Variants in TGM6 observed in about 807,000 individuals in gnomAD.
The protein encoded by TGM6 is protein-glutamine gamma-glutamyltransferase 6.
In TGM6, 74 loss-of-function variants were observed where a neutral mutation model predicts 77.5. That is an observed-to-expected ratio of 0.96 (90% CI 0.79 to 1.16). TGM6 has a LOEUF of 1.16. Ranked by LOEUF, TGM6 falls within the 50% of genes most tolerant of loss-of-function variation. TGM6 has a pLI of 0.00. For synonymous variants in TGM6, 383 were observed against 378.9 expected, an observed-to-expected ratio of 1.01 and a Z score of -0.12; for missense variants, 968 against 940.2, an observed-to-expected ratio of 1.03 and a Z score of -0.39.
intron 9 of TGM6, 27 bp downstream of exon 9, chr20:2,403,850 A>T (rs1250836616): frequency 5.0e-6 from 8 of 1,613,462 alleles, no homozygotes; most frequent in Non-Finnish European, 6.8e-6. Context: ...GGCCTTTATT[A>T]CCTTCCCCCG....
At position 2,394,635 on chromosome 20, in the gene TGM6, C is replaced by T. The variant is rs780460166; in HGVS notation, c.181+10C>T. 5.4e-5 allele frequency: 87 copies of T among 1,603,876 alleles called. No individual in the cohort carries two copies. Among genetic ancestry groups the T allele is most frequent in the African/African-American group, 1.1e-4 (8 of 74,638 alleles). ...TTCACGATGGAGACAGGTAACTGGG[C>T]TTGCCAGCACCCTCTTCTCGTCTGC... On this transcript the variant is annotated intron_variant, in intron 2 of 12. Transcript: ENST00000202625.
At chr20:2,425,252 C>A (rs1028640701) in intron 10 of TGM6, among the ~76,000 whole-genome samples, 4 of 151,766 alleles carry the variant, frequency 2.6e-5, no homozygotes, top group African/African-American at 9.7e-5. Flanking sequence ...GAGGCTGAGG[C>A]AGGAGGATTG....
chr20:2,427,654 C>A (rs2084896903), intron 10 of TGM6, among the ~76,000 whole-genome samples: 1 of 152,160 alleles, frequency 6.6e-6, no homozygotes, highest in African/African-American at 2.4e-5. Context: ...TTAGATCCTT[C>A]TTCTTTTCTA....
intron 1 of TGM6, among the ~76,000 whole-genome samples, chr20:2,390,118 T>C (rs2084620814): frequency 6.6e-6 from 1 of 152,186 alleles, no homozygotes; most frequent in African/African-American, 2.4e-5. Flanking sequence ...CTTCCCGAGA[T>C]GTTCCGTGAT....
chr20:2,404,973 G>C (rs2084739758), intron 9 of TGM6, among the ~76,000 whole-genome samples: 1 of 152,312 alleles, frequency 6.6e-6, no homozygotes, highest in Non-Finnish European at 1.5e-5. Flanking sequence ...CCAGGGAGCT[G>C]TTTCAGTTAT....
chr20:2,427,648 A>T (rs2084896792), intron 10 of TGM6, among the ~76,000 whole-genome samples: 1 of 152,040 alleles, frequency 6.6e-6, no homozygotes. Context: ...TTGGATTTAG[A>T]TCCTTCTTCT....
rs1464780010 is a variant in TGM6 at position 2,417,380 on chromosome 20, C to T, written c.1485C>T (p.Ile495=). The T allele has an allele frequency of 1.2e-6, 2 of 1,613,732 alleles. No homozygotes were observed. The highest frequency in any genetic ancestry group is 8.5e-7 in the Non-Finnish European group (1 of 1,179,986). Residue 495 remains isoleucine, a synonymous_variant, in exon 10 of 13, where the codon ATC becomes ATT. Coordinates refer to ENST00000202625, the MANE Select transcript of TGM6 (RefSeq NM_198994.3). ...DLLEPATKPS[I]AGKFKVLEPP... is the part of the protein sequence containing the mutation. ...TGGAGCCTGCCACCAAGCCCAGCATCGCTGGCAAGTTCAAGGTGCTAGAGC... is the reference window on the plus strand; with the variant it reads ...TGGAGCCTGCCACCAAGCCCAGCATTGCTGGCAAGTTCAAGGTGCTAGAGC...
At chr20:2,424,719 G>C (rs1341058310) in intron 10 of TGM6, among the ~76,000 whole-genome samples, 1 of 152,148 alleles carries the variant, frequency 6.6e-6, no homozygotes, top group Non-Finnish European at 1.5e-5. Context: ...TTTGGCACAA[G>C]AGGCCTAGCT....
chr20:2,392,339 G>A (rs6083041), intron 1 of TGM6, among the ~76,000 whole-genome samples: 21,402 of 152,154 alleles, frequency 0.14, 2,120 homozygotes, highest in African/African-American at 0.28. Context: ...CTCAGCCTCA[G>A]TTCCGCCTTC....
chr20:2,406,994 C>T (rs1173027011), intron 9 of TGM6, among the ~76,000 whole-genome samples: 1 of 152,032 alleles, frequency 6.6e-6, no homozygotes, highest in Non-Finnish European at 1.5e-5. Flanking sequence ...CAAATGTTTA[C>T]AAAGCCCTTA....
At chr20:2,406,492 C>CAA (rs10626077) in intron 9 of TGM6, among the ~76,000 whole-genome samples, 55,894 of 130,616 alleles carry the variant, frequency 0.43, 12,797 homozygotes, top group African/African-American at 0.62. Context: ...GACCCTGTCT[C>CAA]AAAAAAAAAA....
intron 6 of TGM6, 100 bp downstream of exon 6, chr20:2,399,838 G>GAATCCATCA: frequency 9.2e-7 from 1 of 1,082,164 alleles, no homozygotes. Context: ...CATCTTCATT[G>GAATCCATCA]ATGGATTCAT....
intron 7 of TGM6, among the ~76,000 whole-genome samples, chr20:2,402,619 C>T (rs1456186943): frequency 1.3e-5 from 2 of 152,222 alleles, no homozygotes; most frequent in Non-Finnish European, 2.9e-5. Context: ...AAGAGGAGTT[C>T]TGAGGCCGGC....
Position 2,430,523 on chromosome 20 carries a change from G to T in TGM6, c.1756G>T (p.Ala586Ser). 1 of 1,614,172 alleles carries T rather than the reference G, an allele frequency of 6.2e-7. No individual in the cohort carries two copies. The highest frequency in any genetic ancestry group is 2.2e-5 in the East Asian group (1 of 44,878). Residue 586 changes from alanine to serine, a missense_variant, in exon 11 of 13, where the codon GCC becomes TCC. By Grantham distance (99) the Ala-to-Ser change is moderately conservative. Transcript: ENST00000202625. Reference protein sequence around the residue: ...LTEDKKILLAAMCLVTKGEKL... With the variant: ...LTEDKKILLASMCLVTKGEKL... ...AGAGGACAAGAAGATCCTGTTGGCT[G>T]CCATGTGCCTTGTCACCAAAGGAGA...
At chr20:2,423,707 T>C (rs140037930) in intron 10 of TGM6, among the ~76,000 whole-genome samples, 89 of 152,340 alleles carry the variant, frequency 5.8e-4, no homozygotes, top group African/African-American at 2.1e-3. Flanking sequence ...GTGTCTAGAA[T>C]GGTGAATCTT....
intron 1 of TGM6, among the ~76,000 whole-genome samples, chr20:2,386,948 C>T (rs962730617): frequency 6.6e-6 from 1 of 152,148 alleles, no homozygotes; most frequent in Non-Finnish European, 1.5e-5. Flanking sequence ...GCAACCTCGT[C>T]GTCTGCTTCT....
At chr20:2,421,922 AG>A (rs2084858799) in intron 10 of TGM6, among the ~76,000 whole-genome samples, 1 of 152,156 alleles carries the variant, frequency 6.6e-6, no homozygotes, top group African/African-American at 2.4e-5. Flanking sequence ...ACTTGAGATC[AG>A]GAGTTTGAGA....
In TGM6 at chr20:2,416,540, G is replaced by T. The variant is rs546876092; in HGVS notation, c.1337-692G>T. Among the ~76,000 whole-genome samples, 3 of 152,240 alleles carry T rather than the reference G, an allele frequency of 2.0e-5. No homozygotes were observed. In the South Asian group the frequency reaches 6.2e-4, roughly 32 times the overall value. ...GTTTTAATTACATGCAAATTAAAGG[G>T]CAGATTATGCAGAAATTTTTAGGAA... On this transcript the variant is annotated intron_variant, in intron 9 of 12. Transcript: ENST00000202625.
chr20:2,417,595 G>A, intron 10 of TGM6, 22 bp downstream of exon 10: 1 of 1,585,522 alleles, frequency 6.3e-7, no homozygotes, highest in Non-Finnish European at 8.5e-7. Flanking sequence ...CTGGCTTGGT[G>A]GAATCAGGCC....
Sources: allele counts gnomAD v4.1 joint callset (sites outside exome capture counted in the v4.1 genomes callset), GRCh38; gene constraint gnomAD v4.1.1; transcripts MANE v1.5; gene names NCBI Gene and HGNC (gene_info 2026-07-23, HGNC 2026-07-21).